The following TXNL4A variants were observed in gnomAD, a reference collection of about 807,000 sequenced individuals.
The protein encoded by TXNL4A is thioredoxin-like protein 4A.
Under a neutral mutation model 14.6 loss-of-function variants are expected in TXNL4A, and 17 were observed. That is an observed-to-expected ratio of 1.16 (90% CI 0.80 to 1.74). The LOEUF (loss-of-function observed/expected upper bound fraction) is 1.74, where lower values mean the gene tolerates loss of function less well. TXNL4A is among the 40% of genes most tolerant of loss of function. The pLI is 0.00. For synonymous variants in TXNL4A, 83 were observed against 70.6 expected (o/e 1.18, Z -0.88); for missense variants, 74 against 195.2 (o/e 0.38, Z 3.70).
At chr18:79,999,802 G>C (rs113819744) in intron 1 of TXNL4A, among the ~76,000 whole-genome samples, 44,691 of 152,086 alleles carry the variant, frequency 0.29, 6,987 homozygotes, top group Non-Finnish European at 0.36. Context: ...CATGTTGTGG[G>C]AGGGACCCAG....
Position 79,982,626 on chromosome 18 carries a change from A to G in TXNL4A, c.154-4925T>C, listed in dbSNP as rs1217082246. Among the ~76,000 whole-genome samples, 1 of 152,190 alleles carries G rather than the reference A, an allele frequency of 6.6e-6. No homozygotes were observed. Among genetic ancestry groups the G allele is most frequent in the Non-Finnish European group, 1.5e-5 (1 of 68,042 alleles). ...CCGAGTGCCCCAGAGAGGTTACCAG[A>G]AAGGACGATATGGGAACGGGGACAC... On this transcript the variant is annotated intron_variant, in intron 1 of 2. Coordinates refer to ENST00000269601, the MANE Select transcript of TXNL4A (RefSeq NM_006701.5). The surrounding 1 kb of genome is among the most constrained non-coding windows in gnomAD (Gnocchi z 4.0).
At chr18:80,033,539 T>G (rs1020408110) in intron 1 of TXNL4A, among the ~76,000 whole-genome samples, 10 of 152,254 alleles carry the variant, frequency 6.6e-5, no homozygotes, top group African/African-American at 1.9e-4. Context: ...AGCAAAGCCC[T>G]GGAGGGCCCA....
At chr18:79,990,895 G>A (rs1021090588), upstream of TXNL4A, among the ~76,000 whole-genome samples, 1 of 151,664 alleles carries the variant, frequency 6.6e-6, no homozygotes. Flanking sequence ...ACGAGGTCAG[G>A]AGATCGAGAC....
intron 1 of TXNL4A, among the ~76,000 whole-genome samples, chr18:80,008,409 G>A (rs1357781207): frequency 1.3e-5 from 2 of 152,012 alleles, no homozygotes; most frequent in Non-Finnish European, 2.9e-5. Flanking sequence ...AGCCTCCTCC[G>A]CATTCTCCTC....
intron 1 of TXNL4A, among the ~76,000 whole-genome samples, chr18:79,983,028 T>C (rs576435184): frequency 6.6e-6 from 1 of 152,244 alleles, no homozygotes; most frequent in South Asian, 2.1e-4. Context: ...TTAGATGGGA[T>C]CTCACTTTGT....
chr18:80,021,335 C>G (rs546015925), intron 1 of TXNL4A, among the ~76,000 whole-genome samples: 22 of 152,206 alleles, frequency 1.4e-4, no homozygotes, highest in African/African-American at 5.3e-4. Flanking sequence ...CGCCACCATG[C>G]CTGGCTAATT....
chr18:80,001,661 T>C (rs992628261), intron 1 of TXNL4A, among the ~76,000 whole-genome samples: 1 of 152,218 alleles, frequency 6.6e-6, no homozygotes, highest in African/African-American at 2.4e-5. Flanking sequence ...TTTGGAACTT[T>C]AAAGTTTAAT....
chr18:80,005,662 C>A (rs1599743781), intron 1 of TXNL4A, among the ~76,000 whole-genome samples: 2 of 152,346 alleles, frequency 1.3e-5, no homozygotes, highest in South Asian at 4.1e-4. Flanking sequence ...CATCTGTAAT[C>A]CCAACACTTT....
At chr18:79,991,333 A>G (rs2051627462), upstream of TXNL4A, among the ~76,000 whole-genome samples, 1 of 152,010 alleles carries the variant, frequency 6.6e-6, no homozygotes, top group Non-Finnish European at 1.5e-5. Context: ...TTCTGCCTCT[A>G]TAGATTTACC....
chr18:80,017,938 G>C (rs1599752466), intron 1 of TXNL4A, among the ~76,000 whole-genome samples: 1 of 151,194 alleles, frequency 6.6e-6, no homozygotes, highest in South Asian at 2.1e-4. Flanking sequence ...AGAAGGAATG[G>C]TACCAGTTCC....
chr18:79,986,042 C>CTT (rs10541649), intron 1 of TXNL4A, among the ~76,000 whole-genome samples: 2 of 146,948 alleles, frequency 1.4e-5, no homozygotes, highest in African/African-American at 2.5e-5. Flanking sequence ...CAGGTGTGCA[C>CTT]TTTTTTTTTT....
At chr18:79,986,970 G>A (rs920074984) in intron 1 of TXNL4A, among the ~76,000 whole-genome samples, 1 of 152,188 alleles carries the variant, frequency 6.6e-6, no homozygotes, top group African/African-American at 2.4e-5. Flanking sequence ...TGAGAGAACT[G>A]CTGCTCTCCC....
chr18:80,025,040 A>G (rs1001873542), intron 1 of TXNL4A, among the ~76,000 whole-genome samples: 3 of 152,236 alleles, frequency 2.0e-5, no homozygotes, highest in African/African-American at 7.2e-5. Context: ...GCAAATATTT[A>G]AACAAGTGGA....
chr18:80,005,912 CAAAAAAG>C (rs1446826013), intron 1 of TXNL4A, among the ~76,000 whole-genome samples: 5 of 150,868 alleles, frequency 3.3e-5, no homozygotes, highest in African/African-American at 4.9e-5. Context: ...GACTCTGTTT[CAAAAAAG>C]AAAAAAGAAA....
chr18:79,998,347 C>T (rs1437283241), intron 1 of TXNL4A, among the ~76,000 whole-genome samples: 2 of 151,940 alleles, frequency 1.3e-5, no homozygotes, highest in African/African-American at 2.4e-5. Flanking sequence ...ATGGCTCAAC[C>T]TCTCTATGCA....
rs1353704674 is a variant in TXNL4A, at chr18:79,993,651, A to G, written c.-60-15950T>C. On this transcript the variant is annotated intron_variant, in intron 1 of 2. Transcript: ENST00000585474. The surrounding 1 kb of genome is among the most constrained non-coding windows in gnomAD (Gnocchi z 4.4). ...TGTGTGTGTTTCAGTCCTTTCAGCT[A>G]CCGGATTTGACCAACTCCAAACCCT... Among the ~76,000 whole-genome samples the G allele has an allele frequency of 6.6e-6, 1 of 151,982 alleles. No individual in the cohort carries two copies. The highest frequency in any genetic ancestry group is 1.5e-5 in the Non-Finnish European group (1 of 67,942).
chr18:80,000,994 A>G (rs988420633), intron 1 of TXNL4A, among the ~76,000 whole-genome samples: 3 of 152,242 alleles, frequency 2.0e-5, no homozygotes, highest in African/African-American at 4.8e-5. Flanking sequence ...AGGGCATGTC[A>G]GAGACATTCG....
At chr18:79,986,991 G>C (rs2145085746) in intron 1 of TXNL4A, among the ~76,000 whole-genome samples, 1 of 152,292 alleles carries the variant, frequency 6.6e-6, no homozygotes, top group South Asian at 2.1e-4. Context: ...GAATTCCCTA[G>C]GTCCCTCCTC....
chr18:79,987,115 CCT>C (rs370321853), intron 1 of TXNL4A, among the ~76,000 whole-genome samples: 35 of 152,294 alleles, frequency 2.3e-4, no homozygotes, highest in African/African-American at 6.3e-4. Context: ...ATCAGAATTC[CCT>C]GAGGGGCTTC....
Sources: allele counts gnomAD v4.1 joint callset (sites outside exome capture counted in the v4.1 genomes callset), GRCh38; gene constraint gnomAD v4.1.1; non-coding constraint Gnocchi (gnomAD v3.1); transcripts MANE v1.5; gene names NCBI Gene and HGNC (gene_info 2026-07-23, HGNC 2026-07-21).